The following SPATA6 variants were observed in gnomAD, a reference collection of about 807,000 sequenced individuals.
SPATA6 encodes the protein spermatogenesis associated 6, also known as spermatogenesis-associated protein 6.
In SPATA6, 56 loss-of-function variants were observed where a neutral mutation model predicts 65.3. The observed-to-expected ratio is 0.86, with a 90% CI of 0.69 to 1.07. The LOEUF (loss-of-function observed/expected upper bound fraction) is 1.07. Among genes scored for constraint, SPATA6 ranks in the 50% least tolerant of loss-of-function variants. The pLI is 0.00. For missense variants in SPATA6, 590 were observed against 594.8 expected (o/e 0.99, Z 0.08); for synonymous variants, 199 against 213.2 (o/e 0.93, Z 0.58).
At chr1:48,439,118 G>T (rs1339173198) in intron 3 of SPATA6, among the ~76,000 whole-genome samples, 4 of 152,012 alleles carry the variant, frequency 2.6e-5, no homozygotes, top group Non-Finnish European at 4.4e-5. Flanking sequence ...CAGGAGAAAG[G>T]TCCCAATACT....
chr1:48,457,441 A>G (rs1246579574), intron 1 of SPATA6, among the ~76,000 whole-genome samples: 2 of 152,182 alleles, frequency 1.3e-5, no homozygotes, highest in African/African-American at 4.8e-5. Flanking sequence ...CAAAAAAGAA[A>G]AAAAGAAAAA....
chr1:48,303,931 G>A (rs1188206647), intron 12 of SPATA6, among the ~76,000 whole-genome samples: 3 of 152,128 alleles, frequency 2.0e-5, no homozygotes, highest in Admixed American at 6.5e-5. Context: ...AGAGGTTCAT[G>A]CGAACTTCTT....
rs2148817085 is a variant in SPATA6, at chr1:48,359,726, T to C, written c.954A>G (p.Glu318=). The C allele has an allele frequency of 6.2e-7, 1 of 1,613,428 alleles. No homozygotes were observed. The highest frequency in any genetic ancestry group is 2.2e-5 in the East Asian group (1 of 44,872). ...PHGRDFDDSL[E]KCEEYLSPRS... Reference sequence around the variant, plus strand: ...TTGGGCTCAAATACTCTTCACATTTTTCTAAAGAGTCATCGAAGTCTCTCC... The same window carrying C: ...TTGGGCTCAAATACTCTTCACATTTCTCTAAAGAGTCATCGAAGTCTCTCC... The change falls in exon 10 of 13, where the codon GAA becomes GAG. Residue 318 remains glutamate, a synonymous_variant. Coordinates refer to ENST00000371847, the MANE Select transcript of SPATA6 (RefSeq NM_019073.4).
chr1:48,304,155 C>T (rs1476183954), intron 12 of SPATA6, among the ~76,000 whole-genome samples: 1 of 152,144 alleles, frequency 6.6e-6, no homozygotes, highest in African/African-American at 2.4e-5. Flanking sequence ...AAATAATATC[C>T]TAATCATTTC....
intron 3 of SPATA6, among the ~76,000 whole-genome samples, chr1:48,418,421 TG>T (rs936168618): frequency 1.1e-4 from 17 of 151,544 alleles, no homozygotes; most frequent in Admixed American, 1.1e-3. Context: ...AGAAATCAAA[TG>T]AATTTCTGGG....
chr1:48,455,032 T>C (rs1246063963), intron 1 of SPATA6, among the ~76,000 whole-genome samples: 1 of 152,226 alleles, frequency 6.6e-6, no homozygotes, highest in East Asian at 1.9e-4. Context: ...GTTCCCCTTT[T>C]GCTCTAATAT....
At chr1:48,413,088 A>G (rs916007348) in intron 4 of SPATA6, 22 bp downstream of exon 4, 1 of 927,498 alleles carries the variant, frequency 1.1e-6, no homozygotes, top group Non-Finnish European at 1.5e-6. Context: ...TATATTGTAT[A>G]TATTACATCA....
intron 3 of SPATA6, among the ~76,000 whole-genome samples, chr1:48,430,968 C>CA (rs1654346103): frequency 6.6e-6 from 1 of 151,990 alleles, no homozygotes; most frequent in South Asian, 2.1e-4. Flanking sequence ...CAGCAAAAGA[C>CA]AAAGAATGGT....
chr1:48,468,669 T>C lies in SPATA6; in HGVS notation c.51+3289A>G, dbSNP rs976540468. On this transcript the variant is annotated intron_variant, in intron 1 of 12. Transcript: ENST00000371847. ...GGTGATGGTGACATGAGTGTATGAA[T>C]TGACCAAAACCAACTGAGGAAAAAA... Among the ~76,000 whole-genome samples the C allele has an allele frequency of 1.2e-4, 18 of 151,738 alleles. No individual in the cohort carries two copies. In the South Asian group the frequency reaches 1.9e-3, roughly 16 times the overall value.
At chr1:48,314,099 T>C (rs927111577) in intron 11 of SPATA6, among the ~76,000 whole-genome samples, 37 of 152,130 alleles carry the variant, frequency 2.4e-4, no homozygotes, top group African/African-American at 7.5e-4. Context: ...ATGGGAGACT[T>C]TGACACCCCA....
At chr1:48,299,516 G>GGAAA (rs761355984) in intron 12 of SPATA6, among the ~76,000 whole-genome samples, 2 of 38,202 alleles carry the variant, frequency 5.2e-5, no homozygotes, top group African/African-American at 1.7e-4. Flanking sequence ...CTCCGTCTCG[G>GGAAA]AAAAAAAAAA....
intron 12 of SPATA6, among the ~76,000 whole-genome samples, chr1:48,302,775 AG>A (rs1396262169): frequency 2.0e-5 from 3 of 152,120 alleles, no homozygotes; most frequent in African/African-American, 7.2e-5. Context: ...ACCAGGAATA[AG>A]TAGAACTTTA....
At chr1:48,450,535 G>A (rs1656469608) in intron 3 of SPATA6, among the ~76,000 whole-genome samples, 1 of 152,034 alleles carries the variant, frequency 6.6e-6, no homozygotes, top group Non-Finnish European at 1.5e-5. Flanking sequence ...CCCAGATACT[G>A]AACAAGATGT....
intron 3 of SPATA6, among the ~76,000 whole-genome samples, chr1:48,413,451 G>A (rs923481662): frequency 2.8e-5 from 4 of 145,012 alleles, no homozygotes; most frequent in African/African-American, 1.0e-4. Flanking sequence ...CACCACGCCC[G>A]GATACTTTTT....
intron 6 of SPATA6, chr1:48,400,673 A>G (rs918038882): frequency 5.9e-6 from 4 of 683,520 alleles, no homozygotes; most frequent in Non-Finnish European, 8.6e-6. Context: ...GATGAAGAAG[A>G]GTCAAATTTT....
chr1:48,275,943 G>A, the SPATA6 span, among the ~76,000 whole-genome samples: 1 of 152,124 alleles, frequency 6.6e-6, no homozygotes, highest in Non-Finnish European at 1.5e-5. Context: ...GTAGAATTCA[G>A]CTGTGAATCA....
chr1:48,389,762 C>T (rs1243564976), intron 8 of SPATA6, among the ~76,000 whole-genome samples: 1 of 152,084 alleles, frequency 6.6e-6, no homozygotes, highest in Non-Finnish European at 1.5e-5. Context: ...ACCAGTAAGC[C>T]AGCCCTACAA....
At chr1:48,328,097 T>C (rs1334865631) in intron 11 of SPATA6, among the ~76,000 whole-genome samples, 1 of 152,032 alleles carries the variant, frequency 6.6e-6, no homozygotes, top group Non-Finnish European at 1.5e-5. Context: ...GAAATAATGC[T>C]CAAGATCATT....
chr1:48,291,500 G>A (rs1329748591), downstream of SPATA6, among the ~76,000 whole-genome samples: 3 of 152,304 alleles, frequency 2.0e-5, no homozygotes, highest in Non-Finnish European at 4.4e-5. Flanking sequence ...GGTCACCAGG[G>A]AAGTGGGGGA....
Sources: gnomAD v4.1 joint callset for allele counts (sites outside exome capture counted in the v4.1 genomes callset) on GRCh38, gnomAD v4.1.1 for gene constraint, MANE v1.5 for transcripts, NCBI Gene and HGNC (gene_info 2026-07-23, HGNC 2026-07-21) for gene names.